CUBN: variants seen among roughly 807,000 people sequenced by gnomAD.
The protein encoded by CUBN is cubilin.
Under a neutral mutation model 405.3 loss-of-function variants are expected in CUBN, and 282 were observed. That is an observed-to-expected ratio of 0.70 (90% CI 0.63 to 0.77). The LOEUF (loss-of-function observed/expected upper bound fraction) is 0.77. Among genes scored for constraint, CUBN ranks in the 30% least tolerant of loss-of-function variants. The probability of loss-of-function intolerance (pLI) is 0.00; values close to 1 mark genes in which losing one functional copy is unlikely to be tolerated. For synonymous variants in CUBN, 1,684 were observed against 1,617.0 expected (o/e 1.04, Z -0.99); for missense variants, 4,514 against 4,475.2 (o/e 1.01, Z -0.25).
At chr10:16,999,365 G>C (rs1349838146) in intron 28 of CUBN, among the ~76,000 whole-genome samples, 6 of 152,124 alleles carry the variant, frequency 3.9e-5, no homozygotes, top group Non-Finnish European at 7.4e-5. Context: ...TCTTAACCTA[G>C]AGAAGTTAGC....
At chr10:17,038,819 C>T (rs1390394445) in intron 27 of CUBN, among the ~76,000 whole-genome samples, 4 of 152,154 alleles carry the variant, frequency 2.6e-5, no homozygotes, top group Admixed American at 6.5e-5. Context: ...GCAACAGCGC[C>T]GTTTTTTTGG....
At chr10:17,040,533 A>G (rs1834995911) in intron 27 of CUBN, among the ~76,000 whole-genome samples, 1 of 152,204 alleles carries the variant, frequency 6.6e-6, no homozygotes, top group African/African-American at 2.4e-5. Flanking sequence ...TTGCATACAG[A>G]CAGTTGAATA....
chr10:16,991,260 T>C (rs1245132801), intron 28 of CUBN, among the ~76,000 whole-genome samples: 1 of 152,186 alleles, frequency 6.6e-6, no homozygotes, highest in Non-Finnish European at 1.5e-5. Flanking sequence ...TTTCCATGTG[T>C]TTTCTGTTTC....
intron 60 of CUBN, among the ~76,000 whole-genome samples, chr10:16,843,196 G>C (rs1839409679): frequency 6.6e-6 from 1 of 152,150 alleles, no homozygotes; most frequent in Non-Finnish European, 1.5e-5. Context: ...CTCCCTTCTA[G>C]AAACATCCAT....
intron 36 of CUBN, among the ~76,000 whole-genome samples, chr10:16,941,866 T>G (rs1165326104): frequency 2.0e-5 from 3 of 151,766 alleles, no homozygotes; most frequent in Middle Eastern, 3.4e-3. Flanking sequence ...TTTAAAAAAA[T>G]GAAAAGGCAA....
intron 17 of CUBN, among the ~76,000 whole-genome samples, chr10:17,078,848 C>A (rs1488340668): frequency 1.3e-5 from 2 of 152,126 alleles, no homozygotes; most frequent in African/African-American, 4.8e-5. Context: ...TCTATTTGAC[C>A]TAGGAATTTG....
chr10:16,994,657 C>G (rs532110589), intron 28 of CUBN, among the ~76,000 whole-genome samples: 1 of 152,156 alleles, frequency 6.6e-6, no homozygotes, highest in Non-Finnish European at 1.5e-5. Flanking sequence ...TGTCGTCATC[C>G]GGTTACCTGT....
chr10:16,887,922 T>G (rs1325306640), intron 56 of CUBN, among the ~76,000 whole-genome samples: 1 of 152,202 alleles, frequency 6.6e-6, no homozygotes. Context: ...TTGTCATTTG[T>G]GACAACATGG....
At chr10:16,991,942 G>C (rs1278539664) in intron 28 of CUBN, among the ~76,000 whole-genome samples, 1 of 152,152 alleles carries the variant, frequency 6.6e-6, no homozygotes, top group Non-Finnish European at 1.5e-5. Context: ...ACATGCACAT[G>C]TATGTTTATT....
intron 14 of CUBN, among the ~76,000 whole-genome samples, chr10:17,097,185 C>A (rs1588639793): frequency 6.6e-6 from 1 of 151,956 alleles, no homozygotes; most frequent in Non-Finnish European, 1.5e-5. Context: ...GTAAAACTAA[C>A]AAATCCTTGG....
intron 17 of CUBN, among the ~76,000 whole-genome samples, chr10:17,083,411 A>C (rs994372444): frequency 6.6e-6 from 1 of 152,172 alleles, no homozygotes; most frequent in African/African-American, 2.4e-5. Flanking sequence ...AGGCTGAGGC[A>C]GAAGAATTGC....
chr10:16,975,995 A>ATTTTTTTT, intron 31 of CUBN, among the ~76,000 whole-genome samples: 1 of 140,642 alleles, frequency 7.1e-6, no homozygotes. Context: ...TTTAACAGAC[A>ATTTTTTTT]GGGTCTTGCT....
chr10:17,104,206 T>C (rs999437478), intron 12 of CUBN, among the ~76,000 whole-genome samples: 2 of 152,208 alleles, frequency 1.3e-5, no homozygotes, highest in African/African-American at 4.8e-5. Context: ...CTAATGTATT[T>C]ATTCTTTGGA....
chr10:17,052,588 C>G (rs1835294617), intron 22 of CUBN, among the ~76,000 whole-genome samples: 2 of 151,186 alleles, frequency 1.3e-5, no homozygotes, highest in Admixed American at 6.6e-5. Flanking sequence ...GAAACCCTGT[C>G]TCTACTAAAA....
At chr10:17,071,185 G>A (rs1835730824) in intron 19 of CUBN, among the ~76,000 whole-genome samples, 1 of 151,720 alleles carries the variant, frequency 6.6e-6, no homozygotes, top group Non-Finnish European at 1.5e-5. Context: ...ACTGATTCTG[G>A]GGTTTTATAT....
chr10:16,954,450 G>A lies in CUBN; in HGVS notation c.4794C>T (p.Phe1598=). The part of the protein sequence containing the change: ...NPIVSSGNSL[F]LRFQSGPSRQ... Reference sequence around the variant, plus strand: ...TGGAAGGGCCAGACTGAAATCTCAAGAAGAGGCTGTTTCCTGAGGAGACGA... The same window carrying A: ...TGGAAGGGCCAGACTGAAATCTCAAAAAGAGGCTGTTTCCTGAGGAGACGA... Residue 1598 remains phenylalanine (F), a synonymous_variant, in exon 32 of 67, where the codon TTC becomes TTT. Coordinates refer to ENST00000377833, the MANE Select transcript of CUBN (RefSeq NM_001081.4). 3.1e-6 allele frequency: 5 copies of A among 1,614,188 alleles called. No homozygotes were observed. Among genetic ancestry groups the A allele is most frequent in the Non-Finnish European group, 4.2e-6 (5 of 1,180,038 alleles).
intron 56 of CUBN, among the ~76,000 whole-genome samples, chr10:16,879,022 A>G (rs954099748): frequency 3.9e-5 from 6 of 152,220 alleles, no homozygotes; most frequent in Non-Finnish European, 5.9e-5. Context: ...GCTGCTATGA[A>G]CATTCATGCA....
intron 49 of CUBN, 45 bp downstream of exon 49, chr10:16,907,463 G>C: frequency 6.3e-7 from 1 of 1,578,844 alleles, no homozygotes; most frequent in Middle Eastern, 1.7e-4. Context: ...GGCATCTGCA[G>C]TGCCCCTGAT....
chr10:16,942,863 A>AGGAAG (rs112417434), intron 36 of CUBN, among the ~76,000 whole-genome samples: 36,219 of 129,512 alleles, frequency 0.28, 7,146 homozygotes, highest in African/African-American at 0.57. Flanking sequence ...GGGAAGGGAA[A>AGGAAG]GGAAGGGAAG....
Sources: gnomAD v4.1 joint callset for allele counts (sites outside exome capture counted in the v4.1 genomes callset) on GRCh38, gnomAD v4.1.1 for gene constraint, MANE v1.5 for transcripts, NCBI Gene and HGNC (gene_info 2026-07-23, HGNC 2026-07-21) for gene names.